The following GLCE variants were observed in gnomAD, a reference collection of about 807,000 sequenced individuals.
The protein encoded by GLCE is D-glucuronyl C5-epimerase.
In GLCE, 19 loss-of-function variants were observed where a neutral mutation model predicts 47.9. The ratio of observed to expected loss-of-function variants is 0.40; its 90% CI spans 0.28 to 0.58. The LOEUF is 0.58. Among genes scored for constraint, GLCE ranks in the 20% least tolerant of loss-of-function variants. The probability of loss-of-function intolerance (pLI) is 0.48; values close to 1 mark genes in which losing one functional copy is unlikely to be tolerated. For synonymous variants in GLCE, 245 were observed against 263.4 expected (o/e 0.93, Z 0.68); for missense variants, 556 against 743.3 (o/e 0.75, Z 2.93).
chr15:69,243,570 C>CAA (rs10656486), intron 2 of GLCE, among the ~76,000 whole-genome samples: 15,415 of 139,712 alleles, frequency 0.11, 936 homozygotes, highest in East Asian at 0.16. Flanking sequence ...GCCCCCATCT[C>CAA]AAAAAAAAAA....
chr15:69,260,416 C>A (rs1030160207), intron 3 of GLCE, among the ~76,000 whole-genome samples: 8 of 152,102 alleles, frequency 5.3e-5, no homozygotes, highest in Admixed American at 3.3e-4. Flanking sequence ...CCTGCCACCA[C>A]CCCCAGCTAG....
chr15:69,189,721 C>T (rs1016994932), intron 1 of GLCE, among the ~76,000 whole-genome samples: 4 of 152,062 alleles, frequency 2.6e-5, no homozygotes, highest in Non-Finnish European at 5.9e-5. Flanking sequence ...TTCATTCCTG[C>T]TCATCTATCT....
intron 2 of GLCE, among the ~76,000 whole-genome samples, chr15:69,212,113 CT>C (rs2052240989): frequency 6.6e-6 from 1 of 151,308 alleles, no homozygotes; most frequent in Non-Finnish European, 1.5e-5. Context: ...ATCTTGATAG[CT>C]TTAATATGTT....
chr15:69,171,563 A>G (rs28719648), intron 1 of GLCE, among the ~76,000 whole-genome samples: 1 of 151,574 alleles, frequency 6.6e-6, no homozygotes, highest in African/African-American at 2.4e-5. Flanking sequence ...TGCCCGGCCA[A>G]TTTTTTGTAT....
At chr15:69,193,841 A>G (rs1050457440) in intron 1 of GLCE, among the ~76,000 whole-genome samples, 1 of 152,122 alleles carries the variant, frequency 6.6e-6, no homozygotes, top group Non-Finnish European at 1.5e-5. Context: ...TACCTAGGGC[A>G]TTAGTCTCAA....
intron 4 of GLCE, among the ~76,000 whole-genome samples, chr15:69,263,584 AATTGAAACTT>A (rs2053043758): frequency 6.6e-6 from 1 of 152,128 alleles, no homozygotes; most frequent in African/African-American, 2.4e-5. Context: ...AAATTGAATG[AATTGAAACTT>A]TAGGCCTGTC....
chr15:69,190,487 TTTC>T (rs1311861278), intron 1 of GLCE, among the ~76,000 whole-genome samples: 1 of 152,156 alleles, frequency 6.6e-6, no homozygotes, highest in Non-Finnish European at 1.5e-5. Context: ...GCTTAGGATT[TTTC>T]TTCTTGATGA....
intron 2 of GLCE, among the ~76,000 whole-genome samples, chr15:69,222,221 G>A (rs953102652): frequency 6.6e-6 from 1 of 152,208 alleles, no homozygotes; most frequent in Non-Finnish European, 1.5e-5. Context: ...CCAGACTGCT[G>A]ACAACAGCAT....
intron 1 of GLCE, among the ~76,000 whole-genome samples, chr15:69,174,383 G>A (rs1348382471): frequency 6.7e-6 from 1 of 148,786 alleles, no homozygotes; most frequent in East Asian, 2.0e-4. Context: ...GCAAAGGTGG[G>A]CAGATCACCT....
intron 2 of GLCE, among the ~76,000 whole-genome samples, chr15:69,215,539 GGTGT>G (rs57115250): frequency 1.9e-4 from 29 of 149,008 alleles, no homozygotes; most frequent in South Asian, 6.5e-4. Flanking sequence ...TTACATAAAG[GGTGT>G]GTGTGTGTGT....
intron 4 of GLCE, among the ~76,000 whole-genome samples, chr15:69,262,877 T>G (rs1460784589): frequency 6.6e-6 from 1 of 152,224 alleles, no homozygotes; most frequent in Admixed American, 6.5e-5. Context: ...GAGTATCCCT[T>G]ATCTGAAATG....
At chr15:69,266,697 T>G in intron 4 of GLCE, 1 of 866,450 alleles carries the variant, frequency 1.2e-6, no homozygotes, top group Non-Finnish European at 1.4e-6. Flanking sequence ...TCTGCTTCTA[T>G]GGCTGCATCT....
intron 1 of GLCE, among the ~76,000 whole-genome samples, chr15:69,199,128 T>G (rs4116076): frequency 0.7 from 105,987 of 152,020 alleles, 37,962 homozygotes; most frequent in Non-Finnish European, 0.77. Flanking sequence ...TTGATACTCA[T>G]GGATTATTTC....
chr15:69,238,783 C>T (rs55899225), intron 2 of GLCE, among the ~76,000 whole-genome samples: 3,075 of 152,240 alleles, frequency 0.02, 102 homozygotes, highest in African/African-American at 0.071. Context: ...CGACAAAATA[C>T]ATGCCTTCAG....
chr15:69,214,852 C>T (rs1251007162), intron 2 of GLCE, among the ~76,000 whole-genome samples: 2 of 152,168 alleles, frequency 1.3e-5, no homozygotes, highest in African/African-American at 4.8e-5. Context: ...CTAATCCATA[C>T]TCCTGTGAGA....
rs150924467 is a variant in GLCE at position 69,262,780 on chromosome 15, G to A, written c.829+1451G>A. On this transcript the variant is annotated intron_variant, in intron 4 of 4. Coordinates refer to ENST00000261858, the MANE Select transcript of GLCE (RefSeq NM_015554.3). ...TCTGTCTCTAACAGCCACTCTGCGA[G>A]TGGGACACAGCTGTTCTAAGTTGGA... 2.5e-3 allele frequency among the ~76,000 whole-genome samples: 385 copies of A among 152,294 alleles called. 2 individuals are homozygous for A. The highest frequency in any genetic ancestry group is 9.0e-3 in the African/African-American group (373 of 41,552).
chr15:69,189,797 G>T (rs925295395), intron 1 of GLCE, among the ~76,000 whole-genome samples: 3 of 151,972 alleles, frequency 2.0e-5, no homozygotes, highest in Admixed American at 1.3e-4. Context: ...CTTAGGATTA[G>T]CTTGCTTTTC....
chr15:69,220,876 G>T (rs1296246365), intron 2 of GLCE, among the ~76,000 whole-genome samples: 1 of 152,028 alleles, frequency 6.6e-6, no homozygotes, highest in East Asian at 1.9e-4. Flanking sequence ...TGAAGCTTTT[G>T]CCCTGTTTTC....
intron 2 of GLCE, among the ~76,000 whole-genome samples, chr15:69,255,429 T>C (rs1438542990): frequency 6.6e-6 from 1 of 152,054 alleles, no homozygotes; most frequent in Admixed American, 6.6e-5. Context: ...CTGAGAAAAA[T>C]CCAAAATCCA....
Sources: allele counts gnomAD v4.1 joint callset (sites outside exome capture counted in the v4.1 genomes callset), GRCh38; gene constraint gnomAD v4.1.1; transcripts MANE v1.5; gene names NCBI Gene and HGNC (gene_info 2026-07-23, HGNC 2026-07-21).